Variants in RAD51B observed in about 807,000 individuals in gnomAD.
The protein encoded by RAD51B is DNA repair protein RAD51 homolog 2.
Under a neutral mutation model 42.2 loss-of-function variants are expected in RAD51B, and 38 were observed. The ratio of observed to expected loss-of-function variants is 0.90; its 90% CI spans 0.70 to 1.18. The LOEUF (loss-of-function observed/expected upper bound fraction) is 1.18, where lower values mean the gene tolerates loss of function less well. RAD51B is among the 50% of genes most tolerant of loss of function. The pLI is 0.00. For missense variants in RAD51B, 373 were observed against 400.7 expected, an observed-to-expected ratio of 0.93 and a Z score of 0.59; for synonymous variants, 154 against 145.2, an observed-to-expected ratio of 1.06 and a Z score of -0.43.
chr14:67,968,564 G>A (rs1238994794), intron 7 of RAD51B, among the ~76,000 whole-genome samples: 1 of 152,122 alleles, frequency 6.6e-6, no homozygotes, highest in African/African-American at 2.4e-5. Flanking sequence ...CTCAAGGGCA[G>A]GGACAAAATG....
chr14:68,276,582 A>G (rs1226140750), intron 7 of RAD51B, among the ~76,000 whole-genome samples: 1 of 152,048 alleles, frequency 6.6e-6, no homozygotes, highest in East Asian at 1.9e-4. Context: ...TCTACAGGGG[A>G]GTCTGTCAGT....
At chr14:68,578,564 C>T (rs565013213) in intron 10 of RAD51B, among the ~76,000 whole-genome samples, 1 of 152,306 alleles carries the variant, frequency 6.6e-6, no homozygotes, top group Non-Finnish European at 1.5e-5. Flanking sequence ...CAACAGACAA[C>T]ACTTCACACC....
At chr14:68,019,990 A>G (rs985986550) in intron 7 of RAD51B, among the ~76,000 whole-genome samples, 1 of 152,174 alleles carries the variant, frequency 6.6e-6, no homozygotes, top group African/African-American at 2.4e-5. Flanking sequence ...ACAACCAGAA[A>G]TATTGTCTTT....
At chr14:68,265,629 G>A (rs1171050191) in intron 7 of RAD51B, among the ~76,000 whole-genome samples, 1 of 152,180 alleles carries the variant, frequency 6.6e-6, no homozygotes, top group Admixed American at 6.5e-5. Flanking sequence ...GCATGTGCCT[G>A]TAATCCCAGC....
chr14:68,439,452 G>T (rs2085231032), intron 9 of RAD51B, among the ~76,000 whole-genome samples: 1 of 152,154 alleles, frequency 6.6e-6, no homozygotes, highest in Non-Finnish European at 1.5e-5. Flanking sequence ...CAAATTGAAT[G>T]CTCTCTCTTG....
intron 8 of RAD51B, among the ~76,000 whole-genome samples, chr14:68,355,838 A>G (rs935711471): frequency 3.3e-5 from 5 of 152,204 alleles, no homozygotes; most frequent in African/African-American, 1.2e-4. Context: ...GGACAACTCT[A>G]TGTCCATAAA....
chr14:68,485,318 C>A (rs1293404331), intron 10 of RAD51B, among the ~76,000 whole-genome samples: 2 of 152,160 alleles, frequency 1.3e-5, no homozygotes, highest in African/African-American at 2.4e-5. Flanking sequence ...TCTTACTTCT[C>A]ACCCTGTTAA....
intron 7 of RAD51B, among the ~76,000 whole-genome samples, chr14:67,952,903 T>A (rs975938511): frequency 5.9e-5 from 9 of 152,074 alleles, no homozygotes; most frequent in Non-Finnish European, 8.8e-5. Context: ...GTTTTTTTTT[T>A]AATAAATGCT....
At chr14:68,331,190 C>T (rs1028721337) in intron 8 of RAD51B, among the ~76,000 whole-genome samples, 5 of 151,334 alleles carry the variant, frequency 3.3e-5, no homozygotes, top group South Asian at 4.2e-4. Context: ...GGTGAAACCC[C>T]GTCTCTACTA....
At chr14:68,408,124 C>T (rs368244499) in intron 8 of RAD51B, among the ~76,000 whole-genome samples, 2 of 152,034 alleles carry the variant, frequency 1.3e-5, no homozygotes, top group East Asian at 3.9e-4. Context: ...TAATGTGGGT[C>T]TAAGGTTGAT....
At chr14:67,973,504 C>G (rs1409305509) in intron 7 of RAD51B, among the ~76,000 whole-genome samples, 2 of 151,832 alleles carry the variant, frequency 1.3e-5, no homozygotes, top group African/African-American at 4.8e-5. Flanking sequence ...ATTCCTATTC[C>G]TTTGTACTTC....
At chr14:68,553,836 A>C (rs192085988) in intron 10 of RAD51B, among the ~76,000 whole-genome samples, 66 of 152,290 alleles carry the variant, frequency 4.3e-4, no homozygotes, top group African/African-American at 1.6e-3. Flanking sequence ...CACCCAAAAT[A>C]ATAAGATTGC....
intron 10 of RAD51B, among the ~76,000 whole-genome samples, chr14:68,536,847 C>T (rs1049987729): frequency 2.0e-5 from 3 of 151,348 alleles, no homozygotes; most frequent in African/African-American, 4.9e-5. Context: ...TTTGGGAGGC[C>T]GAGGCGGGCG....
intron 4 of RAD51B, among the ~76,000 whole-genome samples, chr14:67,848,238 C>T (rs1470543519): frequency 6.6e-6 from 1 of 152,168 alleles, no homozygotes; most frequent in Non-Finnish European, 1.5e-5. Flanking sequence ...AGGATGGTCT[C>T]AATCTCCTGA....
At chr14:68,609,578 G>A (rs936980192) in intron 10 of RAD51B, among the ~76,000 whole-genome samples, 5 of 152,144 alleles carry the variant, frequency 3.3e-5, no homozygotes, top group African/African-American at 9.7e-5. Context: ...CCAAGTGGCC[G>A]CCGTCCTCAG....
chr14:68,173,833 T>C (rs1301384431), intron 7 of RAD51B, among the ~76,000 whole-genome samples: 1 of 152,150 alleles, frequency 6.6e-6, no homozygotes, highest in African/African-American at 2.4e-5. Flanking sequence ...AGTCTTAAGA[T>C]CAGTAAAATA....
At chr14:68,568,784 C>T (rs893429277) in intron 10 of RAD51B, among the ~76,000 whole-genome samples, 6 of 152,174 alleles carry the variant, frequency 3.9e-5, no homozygotes, top group African/African-American at 1.2e-4. Flanking sequence ...TCTTCTTCCT[C>T]GTCCTCCCTT....
At chr14:67,986,278 G>T (rs1029065021) in intron 7 of RAD51B, among the ~76,000 whole-genome samples, 11 of 152,180 alleles carry the variant, frequency 7.2e-5, no homozygotes, top group Non-Finnish European at 1.5e-4. Flanking sequence ...TTAAGGAGAT[G>T]ATTTAAAACA....
chr14:67,902,754 A>T (rs2043654308), intron 7 of RAD51B, among the ~76,000 whole-genome samples: 1 of 152,150 alleles, frequency 6.6e-6, no homozygotes, highest in Admixed American at 6.5e-5. Context: ...CCCTGCAATT[A>T]TTAGTTAGCT....
Sources: allele counts gnomAD v4.1 joint callset (sites outside exome capture counted in the v4.1 genomes callset), GRCh38; gene constraint gnomAD v4.1.1; transcripts MANE v1.5; gene names NCBI Gene and HGNC (gene_info 2026-07-23, HGNC 2026-07-21).